Variants in SPARC observed in about 807,000 individuals in gnomAD.
SPARC encodes the protein basement-membrane protein 40.
Under a neutral mutation model 37.7 loss-of-function variants are expected in SPARC, and 23 were observed. The observed-to-expected ratio is 0.61, with a 90% CI of 0.44 to 0.87. The LOEUF (loss-of-function observed/expected upper bound fraction) is 0.87, where lower values mean the gene tolerates loss of function less well. Among genes scored for constraint, SPARC ranks in the 40% least tolerant of loss-of-function variants. The pLI is 0.00. For missense variants in SPARC, 312 were observed against 389.0 expected (o/e 0.80, Z 1.66); for synonymous variants, 155 against 150.8 (o/e 1.03, Z -0.20).
In SPARC at chr5:151,672,732, C is replaced by T. The variant is rs138419554; in HGVS notation, c.208+397G>A. On this transcript the variant is annotated intron_variant, in intron 4 of 9. Coordinates refer to ENST00000231061, the MANE Select transcript of SPARC (RefSeq NM_003118.4). Reference sequence around the variant, plus strand: ...GCTTATGAGTGTGCAAGTTCCTGATCTCTTCTCTCAGTTCTACTTCTCTGT... The same window carrying T: ...GCTTATGAGTGTGCAAGTTCCTGATTTCTTCTCTCAGTTCTACTTCTCTGT... The T allele has an allele frequency of 1.2e-3, 278 of 230,706 alleles. 1 individual carries two copies. The highest frequency in any genetic ancestry group is 5.7e-3 in the African/African-American group (259 of 45,424). 14.3% of individuals were successfully genotyped at this position (230,706 alleles called of 1,614,324 possible). A position where few individuals can be genotyped will look rare whatever the true frequency, so the allele number is the denominator to read the frequency against.
intron 4 of SPARC, 46 bp from the exon 5 acceptor site, chr5:151,671,740 C>T (rs1397168243): frequency 1.2e-6 from 2 of 1,607,438 alleles, no homozygotes. Flanking sequence ...TGGACTAGCA[C>T]ATCCACCCCC....
Position 151,674,570 on chromosome 5 carries a change from A to T in SPARC, c.120+42T>A, listed in dbSNP as rs2304051. 4 of 1,592,820 alleles carry T rather than the reference A, an allele frequency of 2.5e-6. No individual in the cohort carries two copies. In the African/African-American group the frequency reaches 5.4e-5, roughly 21 times the overall value. ...CCCTAATTTCTCAGGGCACAGATAC[A>T]GGTAGAGAGGGGCTAAGGGGCTGCG... On this transcript the variant is annotated intron_variant, in intron 3 of 9. Transcript: ENST00000231061.
At chr5:151,686,389 C>G (rs1385547015) in intron 1 of SPARC, 1 of 152,176 alleles carries the variant, frequency 6.6e-6, no homozygotes, top group Non-Finnish European at 1.5e-5. Flanking sequence ...CAGAGATCAA[C>G]TGATTGTTCG....
At chr5:151,685,941 G>A (rs1221389294) in intron 1 of SPARC, 3 of 152,122 alleles carry the variant, frequency 2.0e-5, no homozygotes, top group Admixed American at 6.5e-5. Flanking sequence ...AGCCAGTGGC[G>A]GCGAAGAAAG....
At chr5:151,678,687 T>C (rs1029103638) in intron 1 of SPARC, among the ~76,000 whole-genome samples, 4 of 152,106 alleles carry the variant, frequency 2.6e-5, no homozygotes, top group South Asian at 2.1e-4. Flanking sequence ...GTGAGCCTAA[T>C]AGGAATTACG....
intron 1 of SPARC, among the ~76,000 whole-genome samples, chr5:151,680,037 T>C (rs1056850229): frequency 2.0e-5 from 3 of 152,112 alleles, no homozygotes; most frequent in Admixed American, 2.0e-4. Flanking sequence ...TGGTTACAAG[T>C]GGTTACTGAA....
At chr5:151,665,819 C>T (rs528356225) in intron 8 of SPARC, among the ~76,000 whole-genome samples, 32 of 152,320 alleles carry the variant, frequency 2.1e-4, no homozygotes, top group Admixed American at 1.6e-3. Flanking sequence ...CCTGCCTGTT[C>T]GGCAGTGCAG....
At chr5:151,681,650 G>A (rs1184917993) in intron 1 of SPARC, among the ~76,000 whole-genome samples, 1 of 152,242 alleles carries the variant, frequency 6.6e-6, no homozygotes, top group African/African-American at 2.4e-5. Flanking sequence ...CCAGCACTTT[G>A]GGAGGCCAAG....
chr5:151,667,663 G>GC lies in SPARC; in HGVS notation c.452-64dup, dbSNP rs199802950. The GC allele has an allele frequency of 8.7e-5, 130 of 1,502,528 alleles. No homozygotes were observed. The African/African-American group carries it at 9.7e-4, about 11-fold the overall frequency. 93.1% of individuals were successfully genotyped at this position (1,502,528 alleles called of 1,614,324 possible). A position where few individuals can be genotyped will look rare whatever the true frequency, so the allele number is the denominator to read the frequency against. On this transcript the variant is annotated intron_variant, in intron 6 of 9. Coordinates refer to ENST00000231061, the MANE Select transcript of SPARC (RefSeq NM_003118.4). Reference sequence around the variant, plus strand: ...GCCTGGGCCGTGCTCCCCACCCCAGGCCCCCACCCACCCACATACCACCTG... The same window carrying GC: ...GCCTGGGCCGTGCTCCCCACCCCAGGCCCCCCACCCACCCACATACCACCTG...
At chr5:151,668,960 G>A (rs1317733236) in intron 6 of SPARC, among the ~76,000 whole-genome samples, 1 of 152,108 alleles carries the variant, frequency 6.6e-6, no homozygotes, top group Non-Finnish European at 1.5e-5. Flanking sequence ...GACCCACAGT[G>A]TGGATGTTGC....
At chr5:151,679,641 T>G (rs567887722) in intron 1 of SPARC, 1 of 152,364 alleles carries the variant, frequency 6.6e-6, no homozygotes, top group Non-Finnish European at 1.5e-5. Flanking sequence ...CCTTTTGCCT[T>G]TATTTGCTCT....
chr5:151,674,547 C>T, intron 3 of SPARC, 65 bp downstream of exon 3: 2 of 1,504,794 alleles, frequency 1.3e-6, no homozygotes, highest in South Asian at 1.1e-5. Context: ...AGCATCCGCC[C>T]TAATTTCTCA....
At position 151,668,354 on chromosome 5, in the gene SPARC, C is replaced by T. The variant is rs7709901; in HGVS notation, c.452-754G>A. On this transcript the variant is annotated intron_variant, in intron 6 of 9. Transcript: ENST00000231061. ...ATTTTCCAGAGACAAGGTTTTGCCA[C>T]GTTGCCCAGACTGGTCTCGAACTCC... Among the ~76,000 whole-genome samples, 49 of 152,098 alleles carry T rather than the reference C, an allele frequency of 3.2e-4. No individual in the cohort carries two copies. The East Asian group carries it at 8.5e-3, about 26-fold the overall frequency.
At chr5:151,664,400 G>T (rs993445969) in intron 8 of SPARC, among the ~76,000 whole-genome samples, 165 bp from the exon 9 acceptor site, 1 of 152,192 alleles carries the variant, frequency 6.6e-6, no homozygotes, top group Non-Finnish European at 1.5e-5. Flanking sequence ...GCCACTGACT[G>T]CTCTGAGACT....
intron 5 of SPARC, among the ~76,000 whole-genome samples, chr5:151,670,396 C>A (rs1238135435): frequency 1.3e-5 from 2 of 152,200 alleles, no homozygotes; most frequent in Non-Finnish European, 2.9e-5. Context: ...GGTGCTGAGT[C>A]TCTAATGAAC....
chr5:151,669,864 A>C, intron 5 of SPARC, 80 bp from the exon 6 acceptor site: 1 of 1,557,404 alleles, frequency 6.4e-7, no homozygotes, highest in East Asian at 2.3e-5. Flanking sequence ...CATTTCAGAG[A>C]TGGGGACACT....
At position 151,676,153 on chromosome 5, in the gene SPARC, G is replaced by T; in HGVS notation, c.36C>A (p.Ala12=). 6.2e-7 allele frequency: 1 copy of T among 1,612,324 alleles called. No homozygotes were observed. The highest frequency in any genetic ancestry group is 8.5e-7 in the Non-Finnish European group (1 of 1,179,426). ...TTACAGGGGCTGCCAAGGCCCTCCCGGCCAGGCAAAGGAGAAAGAAGATCC... is the reference window on the plus strand; with the variant it reads ...TTACAGGGGCTGCCAAGGCCCTCCCTGCCAGGCAAAGGAGAAAGAAGATCC... ...RAWIFFLLCL[A]GRALAAPQQE... Residue 12 remains alanine (A), a synonymous_variant, in exon 2 of 10, where the codon GCC becomes GCA. Coordinates refer to ENST00000231061, the MANE Select transcript of SPARC (RefSeq NM_003118.4).
At chr5:151,675,993 A>G in intron 2 of SPARC, 139 bp downstream of exon 2, 2 of 632,552 alleles carry the variant, frequency 3.2e-6, no homozygotes, top group South Asian at 2.0e-5. Flanking sequence ...CGAGCTTCCT[A>G]ACTTAAGAAA....
chr5:151,671,874 C>A, intron 4 of SPARC, 180 bp from the exon 5 acceptor site: 1 of 678,266 alleles, frequency 1.5e-6, no homozygotes. Context: ...AGGGCAGCAG[C>A]TGGTTCAGCC....
Sources: allele counts gnomAD v4.1 joint callset (sites outside exome capture counted in the v4.1 genomes callset), GRCh38; gene constraint gnomAD v4.1.1; transcripts MANE v1.5; gene names NCBI Gene and HGNC (gene_info 2026-07-23, HGNC 2026-07-21).